Variants in CHSY3 observed in about 807,000 individuals in gnomAD.
CHSY3 encodes the protein chondroitin sulfate synthase 3, also known as N-acetylgalactosaminyl-proteoglycan 3-beta-glucuronosyltransferase 3.
Under a neutral mutation model 67.2 loss-of-function variants are expected in CHSY3, and 35 were observed. The observed-to-expected ratio is 0.52, with a 90% confidence interval of 0.40 to 0.69. CHSY3 has a LOEUF of 0.69. Among genes scored for constraint, CHSY3 ranks in the 30% least tolerant of loss-of-function variants. The pLI is 0.00. For missense variants in CHSY3, 1,069 were observed against 1,138.5 expected (o/e 0.94, Z 0.88); for synonymous variants, 474 against 434.7 (o/e 1.09, Z -1.12).
At chr5:129,935,154 G>A (rs552935410) in intron 2 of CHSY3, among the ~76,000 whole-genome samples, 2 of 152,262 alleles carry the variant, frequency 1.3e-5, no homozygotes, top group East Asian at 1.9e-4. Context: ...CATTTCTGAG[G>A]TAAACATTCT....
rs1765294492 is a variant in CHSY3, at chr5:130,050,256, A to G, written c.1087-133973A>G. 3.9e-5 allele frequency among the ~76,000 whole-genome samples: 6 copies of G among 152,092 alleles called. No homozygotes were observed. In the South Asian group the frequency reaches 1.2e-3, roughly 32 times the overall value. ...TGTCAATTGTCTTCTATCTCACGTTAAAAGATTTTATGAGAATCACTCAAA... is the reference window on the plus strand; with the variant it reads ...TGTCAATTGTCTTCTATCTCACGTTGAAAGATTTTATGAGAATCACTCAAA... On this transcript the variant is annotated intron_variant, in intron 2 of 2. Coordinates refer to ENST00000305031, the MANE Select transcript of CHSY3 (RefSeq NM_175856.5).
intron 2 of CHSY3, among the ~76,000 whole-genome samples, chr5:129,929,869 T>C (rs74359369): frequency 0.011 from 1,656 of 152,332 alleles, 30 homozygotes; most frequent in African/African-American, 0.038. Context: ...TTTAGCCATA[T>C]GCTTAGCTGT....
chr5:129,988,286 T>G (rs1031881373), intron 2 of CHSY3, among the ~76,000 whole-genome samples: 3 of 152,228 alleles, frequency 2.0e-5, no homozygotes, highest in Non-Finnish European at 4.4e-5. Context: ...GTGATGAGTA[T>G]GCAGGATGAA....
intron 2 of CHSY3, among the ~76,000 whole-genome samples, chr5:130,065,962 C>T (rs1765870452): frequency 6.6e-6 from 1 of 152,086 alleles, no homozygotes. Flanking sequence ...AGCCTGCTTT[C>T]AGGTCATTAA....
At chr5:129,974,997 GT>G (rs1762758720) in intron 2 of CHSY3, 1 of 152,044 alleles carries the variant, frequency 6.6e-6, no homozygotes, top group South Asian at 2.1e-4. Flanking sequence ...AACACCGCAT[GT>G]TCTCACTCAT....
At chr5:130,068,508 A>G (rs948726984) in intron 2 of CHSY3, among the ~76,000 whole-genome samples, 12 of 152,022 alleles carry the variant, frequency 7.9e-5, no homozygotes, top group Non-Finnish European at 1.6e-4. Flanking sequence ...CAAAATGTCT[A>G]CTCCCTTTCC....
intron 2 of CHSY3, among the ~76,000 whole-genome samples, chr5:129,935,903 A>G (rs1005337264): frequency 6.6e-6 from 1 of 152,076 alleles, no homozygotes; most frequent in African/African-American, 2.4e-5. Flanking sequence ...TCTGCAGAGG[A>G]GTTTTGGACG....
chr5:130,049,915 A>C (rs921274750), intron 2 of CHSY3, among the ~76,000 whole-genome samples: 2 of 152,032 alleles, frequency 1.3e-5, no homozygotes, highest in Non-Finnish European at 2.9e-5. Context: ...TTCATGAGAC[A>C]GCAAAATTTC....
intron 2 of CHSY3, among the ~76,000 whole-genome samples, chr5:130,113,628 G>C (rs1468278368): frequency 6.6e-6 from 1 of 152,088 alleles, no homozygotes. Flanking sequence ...TGATTCCTTT[G>C]TCTATTACAA....
At chr5:130,057,533 CTAA>C (rs1247651840) in intron 2 of CHSY3, among the ~76,000 whole-genome samples, 2 of 152,182 alleles carry the variant, frequency 1.3e-5, no homozygotes, top group African/African-American at 2.4e-5. Context: ...TCCCATAATA[CTAA>C]TATTTGTCAT....
At chr5:130,146,221 G>T (rs1378363282) in intron 2 of CHSY3, among the ~76,000 whole-genome samples, 1 of 152,082 alleles carries the variant, frequency 6.6e-6, no homozygotes, top group East Asian at 1.9e-4. Flanking sequence ...TGGATTAATG[G>T]TTAAAGAAAA....
chr5:130,143,784 GTATATATA>G (rs71000950), intron 2 of CHSY3, among the ~76,000 whole-genome samples: 43 of 73,830 alleles, frequency 5.8e-4, no homozygotes, highest in African/African-American at 2.5e-3. Flanking sequence ...ATATATATGT[GTATATATA>G]TATATATATA....
At chr5:130,120,486 G>GAAAAAAAA (rs34727574) in intron 2 of CHSY3, among the ~76,000 whole-genome samples, 1 of 95,838 alleles carries the variant, frequency 1.0e-5, no homozygotes, top group African/African-American at 3.6e-5. Flanking sequence ...ATTTCTGAAA[G>GAAAAAAAA]AAAAAAAAAA....
chr5:130,003,639 A>G (rs1338368834), intron 2 of CHSY3, among the ~76,000 whole-genome samples: 1 of 152,210 alleles, frequency 6.6e-6, no homozygotes, highest in Non-Finnish European at 1.5e-5. Context: ...ACATTTACTT[A>G]ATTAAAAAAA....
At chr5:130,171,264 T>C (rs1769887334) in intron 2 of CHSY3, among the ~76,000 whole-genome samples, 1 of 152,192 alleles carries the variant, frequency 6.6e-6, no homozygotes, top group African/African-American at 2.4e-5. Context: ...AATATGTGTA[T>C]GTCAGGCTAA....
At chr5:129,910,025 C>G (rs1760479362) in intron 2 of CHSY3, among the ~76,000 whole-genome samples, 1 of 151,928 alleles carries the variant, frequency 6.6e-6, no homozygotes, top group African/African-American at 2.4e-5. Context: ...GCATTCCATT[C>G]ATTCATGTTC....
intron 2 of CHSY3, among the ~76,000 whole-genome samples, chr5:130,017,421 C>G (rs1427568461): frequency 2.0e-5 from 3 of 152,062 alleles, no homozygotes; most frequent in Admixed American, 1.3e-4. Flanking sequence ...AGGTTTTTAA[C>G]AGTTTGCAAG....
At chr5:130,116,570 T>C (rs1162723639) in intron 2 of CHSY3, among the ~76,000 whole-genome samples, 1 of 152,096 alleles carries the variant, frequency 6.6e-6, no homozygotes, top group African/African-American at 2.4e-5. Context: ...ATAGTCTCTG[T>C]AGTTGGCTGT....
At chr5:130,066,424 A>G (rs1456768786) in intron 2 of CHSY3, among the ~76,000 whole-genome samples, 3 of 152,120 alleles carry the variant, frequency 2.0e-5, no homozygotes, top group African/African-American at 4.8e-5. Context: ...CTCACGATTA[A>G]TTAGTAGCAG....
Sources: allele counts gnomAD v4.1 joint callset (sites outside exome capture counted in the v4.1 genomes callset), GRCh38; gene constraint gnomAD v4.1.1; transcripts MANE v1.5; gene names NCBI Gene and HGNC (gene_info 2026-07-23, HGNC 2026-07-21).